The following TMTC2 variants were observed in gnomAD, a reference collection of about 807,000 sequenced individuals.
TMTC2 encodes the protein transmembrane O-mannosyltransferase targeting cadherins 2.
In TMTC2, 43 loss-of-function variants were observed where a neutral mutation model predicts 82.4. The observed-to-expected ratio is 0.52, with a 90% CI of 0.41 to 0.67. The LOEUF (loss-of-function observed/expected upper bound fraction) is 0.67. TMTC2 is among the 30% of genes least tolerant of loss of function. The pLI, the probability that TMTC2 is intolerant of heterozygous loss-of-function variation, is 0.00. For missense variants in TMTC2, 919 were observed against 1,012.4 expected, an observed-to-expected ratio of 0.91 and a Z score of 1.25; for synonymous variants, 408 against 381.9, an observed-to-expected ratio of 1.07 and a Z score of -0.80.
chr12:83,111,923 A>C (rs1884612284), intron 11 of TMTC2, among the ~76,000 whole-genome samples: 1 of 151,762 alleles, frequency 6.6e-6, no homozygotes, highest in Non-Finnish European at 1.5e-5. Flanking sequence ...AGCCTGGGCA[A>C]CATGGCAAAA....
chr12:82,850,422 G>A (rs138198745), intron 1 of TMTC2, among the ~76,000 whole-genome samples: 3 of 151,010 alleles, frequency 2.0e-5, no homozygotes, highest in Non-Finnish European at 4.4e-5. Flanking sequence ...GTGTAGGCTC[G>A]TGAGCAACCC....
At chr12:83,009,244 T>C (rs1447853153) in intron 8 of TMTC2, among the ~76,000 whole-genome samples, 2 of 152,164 alleles carry the variant, frequency 1.3e-5, no homozygotes, top group African/African-American at 2.4e-5. Context: ...CTACTTCCCC[T>C]GCCATCACCA....
At chr12:82,840,907 G>A (rs920168983) in intron 1 of TMTC2, among the ~76,000 whole-genome samples, 1 of 152,118 alleles carries the variant, frequency 6.6e-6, no homozygotes, top group Non-Finnish European at 1.5e-5. Context: ...ATCCTCCTGA[G>A]TAGCCGGGAT....
intron 2 of TMTC2, among the ~76,000 whole-genome samples, chr12:82,889,979 A>G (rs1190936938): frequency 6.6e-6 from 1 of 151,698 alleles, no homozygotes; most frequent in Non-Finnish European, 1.5e-5. Context: ...AACTAACTAG[A>G]GATTTCCAAG....
intron 11 of TMTC2, among the ~76,000 whole-genome samples, chr12:83,113,466 G>T (rs529199261): frequency 6.6e-6 from 1 of 152,314 alleles, no homozygotes; most frequent in East Asian, 1.9e-4. Context: ...GCAGTAGAAT[G>T]GAGAGATCTT....
At chr12:83,056,527 A>C (rs1404108943) in intron 10 of TMTC2, among the ~76,000 whole-genome samples, 2 of 151,978 alleles carry the variant, frequency 1.3e-5, no homozygotes, top group African/African-American at 4.8e-5. Context: ...TATACATTCT[A>C]CTGGAAGTCA....
chr12:82,777,731 T>G (rs1006873236), intron 1 of TMTC2, among the ~76,000 whole-genome samples: 7 of 152,170 alleles, frequency 4.6e-5, no homozygotes, highest in African/African-American at 1.7e-4. Flanking sequence ...AAATGCCTAT[T>G]CTTGGCTTTG....
chr12:82,741,188 A>G (rs1875388374), intron 1 of TMTC2, among the ~76,000 whole-genome samples: 1 of 152,212 alleles, frequency 6.6e-6, no homozygotes, highest in Non-Finnish European at 1.5e-5. Context: ...TTTTCAATAT[A>G]AAAGTTGTTT....
intron 11 of TMTC2, among the ~76,000 whole-genome samples, chr12:83,083,643 G>A (rs1338929673): frequency 6.6e-6 from 1 of 152,156 alleles, no homozygotes; most frequent in Non-Finnish European, 1.5e-5. Context: ...TTTGTATGAA[G>A]CTGTTGTCCT....
At chr12:82,919,001 C>T (rs1298393901) in intron 3 of TMTC2, among the ~76,000 whole-genome samples, 1 of 152,208 alleles carries the variant, frequency 6.6e-6, no homozygotes, top group East Asian at 1.9e-4. Context: ...TGTGATCCGA[C>T]AGCCTTGGCT....
chr12:83,032,599 C>G (rs890306314), intron 9 of TMTC2, among the ~76,000 whole-genome samples: 22 of 152,046 alleles, frequency 1.4e-4, no homozygotes, highest in Non-Finnish European at 4.4e-5. Flanking sequence ...GGCTGGTGTG[C>G]AATGGCACGA....
chr12:82,818,320 G>A (rs1868873057), intron 1 of TMTC2, among the ~76,000 whole-genome samples: 1 of 151,910 alleles, frequency 6.6e-6, no homozygotes, highest in African/African-American at 2.4e-5. Flanking sequence ...TTTCTTCTCA[G>A]TATAAGTTTT....
At chr12:83,094,450 T>C (rs1433312299) in intron 11 of TMTC2, among the ~76,000 whole-genome samples, 1 of 152,144 alleles carries the variant, frequency 6.6e-6, no homozygotes, top group African/African-American at 2.4e-5. Flanking sequence ...ACCATGCAAA[T>C]CAGCGGCGAG....
intron 1 of TMTC2, among the ~76,000 whole-genome samples, chr12:82,782,652 G>A (rs969096055): frequency 2.0e-4 from 30 of 152,280 alleles, no homozygotes; most frequent in Admixed American, 1.6e-3. Context: ...TGAGATCAGC[G>A]TTTGGATAGT....
At chr12:82,743,750 TA>T (rs1202494991) in intron 1 of TMTC2, among the ~76,000 whole-genome samples, 2 of 152,220 alleles carry the variant, frequency 1.3e-5, no homozygotes, top group Non-Finnish European at 2.9e-5. Flanking sequence ...GTTTAACAAA[TA>T]AATGCCTTTC....
intron 8 of TMTC2, among the ~76,000 whole-genome samples, chr12:83,024,885 CTATT>C (rs1881093113): frequency 6.6e-6 from 1 of 152,070 alleles, no homozygotes; most frequent in Non-Finnish European, 1.5e-5. Context: ...TAACTATAAA[CTATT>C]AAGTTATATA....
intron 1 of TMTC2, among the ~76,000 whole-genome samples, chr12:82,764,843 T>A (rs1876855802): frequency 6.6e-6 from 1 of 151,960 alleles, no homozygotes. Flanking sequence ...CTGCATTTTT[T>A]TTTTTTTTTA....
chr12:82,922,779 C>A (rs1231572741), intron 3 of TMTC2, among the ~76,000 whole-genome samples: 2 of 152,038 alleles, frequency 1.3e-5, no homozygotes, highest in South Asian at 2.1e-4. Flanking sequence ...TATGACAATG[C>A]ATTCCTTTTT....
intron 4 of TMTC2, among the ~76,000 whole-genome samples, chr12:82,945,803 TTAA>T (rs1334274124): frequency 6.6e-6 from 1 of 152,198 alleles, no homozygotes; most frequent in Non-Finnish European, 1.5e-5. Context: ...TGTCTTTCAC[TTAA>T]TTTACTTTCT....
Sources: allele counts gnomAD v4.1 joint callset (sites outside exome capture counted in the v4.1 genomes callset), GRCh38; gene constraint gnomAD v4.1.1; transcripts MANE v1.5; gene names NCBI Gene and HGNC (gene_info 2026-07-23, HGNC 2026-07-21).